Variants in RBM10 observed in about 807,000 individuals in gnomAD.
RBM10 encodes the protein RNA binding motif protein 10.
A neutral mutation model predicts 84.9 loss-of-function variants in RBM10; 1 was observed. The ratio of observed to expected loss-of-function variants is 0.01; its 90% confidence interval spans 0.00 to 0.06. The LOEUF (loss-of-function observed/expected upper bound fraction) is 0.06. Ranked by LOEUF, RBM10 falls within the 10% of genes least tolerant of loss-of-function variation. The probability of loss-of-function intolerance (pLI) is 1.00; values close to 1 mark genes in which losing one functional copy is unlikely to be tolerated. For synonymous variants in RBM10, 326 were observed against 344.5 expected (o/e 0.95, Z 0.60); for missense variants, 438 against 839.0 (o/e 0.52, Z 5.90).
Position 47,185,312 on chromosome X carries a change from C to T in RBM10, c.2111C>T (p.Ala704Val), listed in dbSNP as rs868977796. The change falls in exon 19 of 24, where the codon GCC becomes GTC. Residue 704 changes from alanine to valine, a missense_variant. By Grantham distance (64) the Ala-to-Val change is moderately conservative. Around this residue, in one of 8 missense-constraint regions of RBM10, gnomAD observed 21 missense variants for 16.1 expected, o/e 1.30. Transcript: ENST00000377604. Reference sequence around the variant, plus strand: ...GTCCCTCCACCCCAGGGAGCACTAGCCGAGAGACAGCACACCAGCATGGAT... The same window carrying T: ...GTCCCTCCACCCCAGGGAGCACTAGTCGAGAGACAGCACACCAGCATGGAT... ...YAILEKKGAL[A>V]ERQHTSMDLP... The T allele has an allele frequency of 8.3e-7, 1 of 1,210,736 alleles. No individual in the cohort carries two copies. Among genetic ancestry groups the T allele is most frequent in the East Asian group, 3.0e-5 (1 of 33,754 alleles).
In RBM10 at chrX:47,169,498, G is replaced by A. The variant is rs2147129912; in HGVS notation, c.201G>A (p.Glu67=). The A allele has an allele frequency of 4.1e-6, 5 of 1,205,762 alleles. No homozygotes were observed. The highest frequency in any genetic ancestry group is 5.6e-6 in the Non-Finnish European group (5 of 892,612). Residue 67 remains glutamate (E), a splice_region_variant and synonymous_variant, in exon 3 of 24, where the codon GAG becomes GAA. Transcript: ENST00000377604. The part of the protein sequence containing the change: ...YDDSSEEQSA[E]DSYEASPGSE... ...ACTCATCTGAGGAGCAGAGTGCGGAGGTGAGGAGGGGGCGCGCTGCGCCAG... is the reference window on the plus strand; with the variant it reads ...ACTCATCTGAGGAGCAGAGTGCGGAAGTGAGGAGGGGGCGCGCTGCGCCAG...
rs2147064502 is a variant in RBM10 at position 47,147,382 on chromosome X, G to A, written c.-100G>A. 2 of 1,205,796 alleles carry A rather than the reference G, an allele frequency of 1.7e-6. No individual in the cohort carries two copies. The highest frequency in any genetic ancestry group is 2.2e-6 in the Non-Finnish European group (2 of 892,116). On this transcript the variant is annotated 5_prime_UTR_variant, in exon 2 of 24. Coordinates refer to ENST00000377604, the MANE Select transcript of RBM10 (RefSeq NM_005676.5). ...AGTCCCTGCAGGAAGCATCACCCAG[G>A]CTGGCAGATCATGGTAGCAGCAGCG...
rs1556775471 is a variant in RBM10, at chrX:47,175,029, G to C, written c.513G>C (p.Arg171=). ...LMRNKSSGQS[R]GFAFVEFSHL... ...GAATGCTGTCTCCAGGTCAGAGCCG[G>C]GGCTTCGCCTTCGTCGAGTTTAGTC... The change falls in exon 6 of 24, where the codon CGG becomes CGC. Residue 171 remains arginine, a synonymous_variant. Transcript: ENST00000377604. 1 of 1,210,724 alleles carries C rather than the reference G, an allele frequency of 8.3e-7. No individual in the cohort carries two copies. The highest frequency in any genetic ancestry group is 1.1e-6 in the Non-Finnish European group (1 of 894,921).
intron 2 of RBM10, among the ~76,000 whole-genome samples, chrX:47,161,937 G>A (rs1330155145): frequency 4.5e-5 from 5 of 111,084 alleles, no homozygotes; most frequent in African/African-American, 1.6e-4. Flanking sequence ...TTGCTCCCTG[G>A]GTTCATGAGA....
chrX:47,156,889 C>A, intron 2 of RBM10: 1 of 202,050 alleles, frequency 4.9e-6, no homozygotes, highest in South Asian at 6.4e-5. Flanking sequence ...GGGGCCACAT[C>A]CCCTGTGGCT....
chrX:47,164,945 A>T (rs1309438090), intron 2 of RBM10, among the ~76,000 whole-genome samples: 1 of 112,172 alleles, frequency 8.9e-6, no homozygotes, highest in Non-Finnish European at 1.9e-5. Context: ...TTCCACCATA[A>T]AAAGGAAGGA....
intron 17 of RBM10, among the ~76,000 whole-genome samples, chrX:47,182,979 T>C (rs781918045): frequency 1.8e-5 from 2 of 111,097 alleles, no homozygotes; most frequent in South Asian, 3.7e-4. Context: ...GGAAGAGGAG[T>C]GTCTTCATCC....
In RBM10 at chrX:47,186,575, G is replaced by T; in HGVS notation, c.2769G>T (p.Val923=). The change falls in exon 24 of 24, where the codon GTG becomes GTT. Residue 923 remains valine (V), a synonymous_variant. Transcript: ENST00000377604. ...SYKETLHKTM[V]TRFNEAQ ...AGGAGACACTGCACAAGACAATGGT[G>T]ACCCGCTTCAACGAGGCCCAGTGAG... 2 of 1,211,865 alleles carry T rather than the reference G, an allele frequency of 1.7e-6. No homozygotes were observed. The highest frequency in any genetic ancestry group is 2.2e-6 in the Non-Finnish European group (2 of 895,552).
chrX:47,146,040 G>A (rs1932181789), intron 1 of RBM10, among the ~76,000 whole-genome samples: 1 of 110,035 alleles, frequency 9.1e-6, no homozygotes, highest in South Asian at 3.9e-4. Context: ...TATTGGGTGG[G>A]AAGGGGCATG....
chrX:47,150,743 T>C (rs1279901301), intron 2 of RBM10, among the ~76,000 whole-genome samples: 2 of 112,243 alleles, frequency 1.8e-5, no homozygotes, highest in African/African-American at 6.5e-5. Flanking sequence ...TTTATTATTA[T>C]GGCTTTATAG....
rs2147219682 is a variant in RBM10, at chrX:47,185,733, C to T, written c.2373C>T (p.His791=). ...TCTTGCAGCAAAACCTTGAGATTCACCGGCGAGCCCACTTGTCAGAAAACG... is the reference window on the plus strand; with the variant it reads ...TCTTGCAGCAAAACCTTGAGATTCATCGGCGAGCCCACTTGTCAGAAAACG... ...SGLHKQNLEI[H]RRAHLSENEL... is the part of the protein sequence containing the mutation. The change falls in exon 21 of 24, where the codon CAC becomes CAT. Residue 791 remains histidine, a synonymous_variant. Transcript: ENST00000377604. 8.3e-7 allele frequency: 1 copy of T among 1,211,639 alleles called. No homozygotes were observed. Among genetic ancestry groups the T allele is most frequent in the South Asian group, 1.8e-5 (1 of 56,816 alleles).
intron 17 of RBM10, 133 bp from the exon 18 acceptor site, chrX:47,184,922 C>T: frequency 1.3e-6 from 1 of 774,141 alleles, no homozygotes; most frequent in Non-Finnish European, 1.9e-6. Flanking sequence ...CAGATGAAGC[C>T]TTCTGCAGTG....
rs1556779527 is a variant in RBM10, at chrX:47,181,606, C to T, written c.1535C>T (p.Ala512Val). The change falls in exon 14 of 24, where the codon GCC (alanine) becomes GTC (valine). Residue 512 changes from alanine (A) to valine (V), a missense_variant. By Grantham distance (64) the Ala-to-Val change is moderately conservative. Coordinates refer to ENST00000377604, the MANE Select transcript of RBM10 (RefSeq NM_005676.5). ...GAAPGIYQQS[A>V]EASSSQGTAA... ...GCTCCTGGCATCTACCAACAATCAG[C>T]CGAGGCGAGCAGTAGCCAGGGCACT... 8.3e-7 allele frequency: 1 copy of T among 1,206,524 alleles called. No individual in the cohort carries two copies. Among genetic ancestry groups the T allele is most frequent in the Admixed American group, 2.2e-5 (1 of 45,647 alleles).
intron 2 of RBM10, among the ~76,000 whole-genome samples, chrX:47,165,745 G>T (rs782408504): frequency 9.0e-6 from 1 of 110,917 alleles, no homozygotes; most frequent in East Asian, 2.8e-4. Context: ...CTTGAGGCCC[G>T]GCCCAGTGGC....
At chrX:47,185,686 TCTTCA>T in intron 20 of RBM10, 25 bp from the exon 21 acceptor site, 1 of 1,210,504 alleles carries the variant, frequency 8.3e-7, no homozygotes, top group Non-Finnish European at 1.1e-6. Flanking sequence ...AGGCTCATCC[TCTTCA>T]CTTCTCATCC....
At chrX:47,167,123 ACAT>A (rs1397687005) in intron 2 of RBM10, among the ~76,000 whole-genome samples, 1 of 111,034 alleles carries the variant, frequency 9.0e-6, no homozygotes, top group African/African-American at 3.3e-5. Context: ...TTTCAGATAC[ACAT>A]CATTGATATT....
At chrX:47,163,250 G>A (rs1933875580) in intron 2 of RBM10, among the ~76,000 whole-genome samples, 3 of 111,432 alleles carry the variant, frequency 2.7e-5, no homozygotes, top group Admixed American at 9.6e-5. Context: ...TACATGTAAT[G>A]TAATATTTAG....
At chrX:47,167,119 A>G (rs909163316) in intron 2 of RBM10, among the ~76,000 whole-genome samples, 3 of 110,860 alleles carry the variant, frequency 2.7e-5, no homozygotes, top group Non-Finnish European at 5.7e-5. Context: ...ATCTTTTCAG[A>G]TACACATCAT....
At chrX:47,177,909 G>A (rs185474192) in intron 7 of RBM10, among the ~76,000 whole-genome samples, 4 of 111,722 alleles carry the variant, frequency 3.6e-5, no homozygotes, top group Admixed American at 2.8e-4. Context: ...GAGCCACCAC[G>A]CCCAGCCCAA....
Sources: gnomAD v4.1 joint callset for allele counts (sites outside exome capture counted in the v4.1 genomes callset) on GRCh38, gnomAD v4.1.1 for gene constraint, gnomAD v4.1.1 regional missense constraint, MANE v1.5 for transcripts, NCBI Gene and HGNC (gene_info 2026-07-23, HGNC 2026-07-21) for gene names.